EYS: variants seen among roughly 807,000 people sequenced by gnomAD.
EYS encodes the protein EGF-like photoreceptor maintenance factor, also known as protein eyes shut homolog.
EYS carries 250 observed loss-of-function variants against 282.1 expected under a neutral mutation model. The ratio of observed to expected loss-of-function variants is 0.89; its 90% CI spans 0.80 to 0.98. EYS has a LOEUF of 0.98. Among genes scored for constraint, EYS ranks in the 50% least tolerant of loss-of-function variants. The pLI is 0.00. For missense variants in EYS, 4,016 were observed against 3,709.0 expected (o/e 1.08, Z -2.15); for synonymous variants, 1,355 against 1,282.9 (o/e 1.06, Z -1.20).
At chr6:65,153,338 A>G (rs1008530427) in intron 12 of EYS, among the ~76,000 whole-genome samples, 3 of 147,890 alleles carry the variant, frequency 2.0e-5, no homozygotes, top group African/African-American at 2.5e-5. Context: ...CGGACTTCTT[A>G]CCCACAGAAA....
chr6:64,924,765 C>T lies in EYS; in HGVS notation c.2382-12022G>A, dbSNP rs112678612. 4.4e-3 allele frequency among the ~76,000 whole-genome samples: 665 copies of T among 152,228 alleles called. 3 individuals are homozygous for T. The highest frequency in any genetic ancestry group is 0.015 in the African/African-American group (633 of 41,522). On this transcript the variant is annotated intron_variant, in intron 15 of 42. Coordinates refer to ENST00000503581, the MANE Select transcript of EYS (RefSeq NM_001142800.2). Reference sequence around the variant, plus strand: ...TTTGCTAAAACATAACAAGAGTCACCTTTTCTCCAGTTCCCAACAAGTTCT... The same window carrying T: ...TTTGCTAAAACATAACAAGAGTCACTTTTTCTCCAGTTCCCAACAAGTTCT...
intron 12 of EYS, among the ~76,000 whole-genome samples, chr6:65,230,000 T>C (rs1289140137): frequency 6.6e-6 from 1 of 151,654 alleles, no homozygotes; most frequent in Non-Finnish European, 1.5e-5. Flanking sequence ...ATTTAAGTAA[T>C]AAGGGGAAAT....
At chr6:65,568,326 C>G (rs1764355941) in intron 2 of EYS, among the ~76,000 whole-genome samples, 1 of 146,430 alleles carries the variant, frequency 6.8e-6, no homozygotes, top group Non-Finnish European at 1.5e-5. Context: ...TTTTTGTAAC[C>G]TCAAGATGGT....
rs36133910 is a variant in EYS at position 64,388,622 on chromosome 6, T to C, written c.6078+68A>G. ...ATATTTCTAAAGTTTTTCTTTTTCA[T>C]TTATCAATATGATGATTTTCAATAA... is the stretch of plus-strand genomic sequence containing the variant. On this transcript the variant is annotated intron_variant, in intron 29 of 42. Coordinates refer to ENST00000503581, the MANE Select transcript of EYS (RefSeq NM_001142800.2). 0.3 allele frequency: 398,407 copies of C among 1,345,756 alleles called. 60,109 individuals are homozygous for C. The highest frequency in any genetic ancestry group is 0.46 in the East Asian group (16,720 of 36,388). The allele number at this position is 1,345,756 out of a possible 1,614,324, so 83.4% of individuals were successfully genotyped here.
At chr6:64,617,644 G>A (rs1767316564) in intron 23 of EYS, 111 bp from the exon 24 acceptor site, 3 of 678,484 alleles carry the variant, frequency 4.4e-6, no homozygotes, top group Non-Finnish European at 7.8e-6. Flanking sequence ...TATGCTAGAT[G>A]TTTTGTACAA....
chr6:63,998,818 A>G (rs1293941411), intron 34 of EYS, among the ~76,000 whole-genome samples: 1 of 149,916 alleles, frequency 6.7e-6, no homozygotes, highest in African/African-American at 2.5e-5. Flanking sequence ...AAAGTCAAGC[A>G]CAATGTATTA....
At chr6:64,247,301 T>C (rs1767052301) in intron 30 of EYS, among the ~76,000 whole-genome samples, 1 of 152,106 alleles carries the variant, frequency 6.6e-6, no homozygotes, top group South Asian at 2.1e-4. Flanking sequence ...CATAAGAACA[T>C]ATGTGCTGGC....
intron 5 of EYS, among the ~76,000 whole-genome samples, chr6:65,455,649 A>G (rs1764574154): frequency 6.6e-6 from 1 of 152,160 alleles, no homozygotes; most frequent in Non-Finnish European, 1.5e-5. Flanking sequence ...TAGATAACAT[A>G]GAAAAAATTG....
chr6:64,843,000 C>T (rs9363268), intron 19 of EYS, among the ~76,000 whole-genome samples: 14,011 of 152,100 alleles, frequency 0.092, 846 homozygotes, highest in East Asian at 0.32. Context: ...CAGGGCATGT[C>T]ATAGGTCTCA....
At chr6:65,629,435 G>A (rs1419403488) in intron 2 of EYS, among the ~76,000 whole-genome samples, 1 of 152,136 alleles carries the variant, frequency 6.6e-6, no homozygotes, top group Admixed American at 6.5e-5. Flanking sequence ...TCGACCATTT[G>A]CATGTCCATT....
chr6:64,266,874 G>A (rs899396713), intron 30 of EYS, among the ~76,000 whole-genome samples: 1 of 152,086 alleles, frequency 6.6e-6, no homozygotes, highest in Admixed American at 6.6e-5. Flanking sequence ...GAAGTTAGAA[G>A]GGTTAGAAAC....
intron 35 of EYS, among the ~76,000 whole-genome samples, chr6:63,886,775 C>T (rs1773271497): frequency 6.6e-6 from 1 of 152,050 alleles, no homozygotes; most frequent in South Asian, 2.1e-4. Flanking sequence ...CCCCCAAAAG[C>T]ATTAAATCAA....
chr6:64,971,435 T>C (rs1358304574), intron 14 of EYS, among the ~76,000 whole-genome samples: 3 of 152,094 alleles, frequency 2.0e-5, no homozygotes, highest in Non-Finnish European at 2.9e-5. Context: ...GCTGCTCTTA[T>C]CTATAAAGCT....
At chr6:65,105,295 T>G (rs1775004809) in intron 12 of EYS, among the ~76,000 whole-genome samples, 1 of 151,696 alleles carries the variant, frequency 6.6e-6, no homozygotes, top group Non-Finnish European at 1.5e-5. Context: ...CTGACTACAT[T>G]CTTATAATGT....
chr6:63,780,435 G>A (rs1562022698), intron 39 of EYS, among the ~76,000 whole-genome samples: 1 of 152,102 alleles, frequency 6.6e-6, no homozygotes, highest in Middle Eastern at 3.4e-3. Flanking sequence ...TTAATGATCG[G>A]CATTCTAACT....
At chr6:65,126,974 A>G (rs1237890500) in intron 12 of EYS, among the ~76,000 whole-genome samples, 1 of 152,070 alleles carries the variant, frequency 6.6e-6, no homozygotes, top group Non-Finnish European at 1.5e-5. Flanking sequence ...CACTCTGGAG[A>G]ACCCTGATCA....
Position 63,999,156 on chromosome 6 carries a change from T to C in EYS, c.6753A>G (p.Gly2251=). ...CAGTCATTTCAATCATACAAACAAC[T>C]CCAGGGCTGCCAACAGGCGTTGTGT... is the stretch of plus-strand genomic sequence containing the variant. ...IRYTTPVGSP[G]VVCMIEMTAD... is the part of the protein sequence containing the mutation. Residue 2251 remains glycine, a synonymous_variant, in exon 34 of 43, where the codon GGA becomes GGG. Transcript: ENST00000503581. 6.4e-7 allele frequency: 1 copy of C among 1,551,468 alleles called. No homozygotes were observed. The highest frequency in any genetic ancestry group is 8.7e-7 in the Non-Finnish European group (1 of 1,146,806).
intron 31 of EYS, among the ~76,000 whole-genome samples, chr6:64,154,982 C>G (rs1009699664): frequency 2.6e-5 from 4 of 152,162 alleles, no homozygotes; most frequent in Non-Finnish European, 5.9e-5. Context: ...GTAAAACTAG[C>G]AAGCATATTT....
chr6:64,903,886 T>C (rs1363220929), intron 16 of EYS, among the ~76,000 whole-genome samples: 3 of 152,050 alleles, frequency 2.0e-5, no homozygotes, highest in Non-Finnish European at 4.4e-5. Flanking sequence ...GGCTGCCTCT[T>C]CGGTAGTATA....
Sources: gnomAD v4.1 joint callset for allele counts (sites outside exome capture counted in the v4.1 genomes callset) on GRCh38, gnomAD v4.1.1 for gene constraint, MANE v1.5 for transcripts, NCBI Gene and HGNC (gene_info 2026-07-23, HGNC 2026-07-21) for gene names.